TMPRSS11F: variants seen among roughly 807,000 people sequenced by gnomAD.
The protein encoded by TMPRSS11F is transmembrane serine protease 11F.
A neutral mutation model predicts 60.2 loss-of-function variants in TMPRSS11F; 47 were observed. That is an observed-to-expected ratio of 0.78 (90% CI 0.62 to 1.00). TMPRSS11F has a LOEUF of 1.00. TMPRSS11F is among the 50% of genes least tolerant of loss of function. The pLI is 0.00. For missense variants in TMPRSS11F, 519 were observed against 522.9 expected (o/e 0.99, Z 0.07); for synonymous variants, 166 against 167.3 (o/e 0.99, Z 0.06).
At chr4:68,128,392 C>G (rs568232893) in intron 1 of TMPRSS11F, among the ~76,000 whole-genome samples, 1 of 151,988 alleles carries the variant, frequency 6.6e-6, no homozygotes, top group Admixed American at 6.6e-5. Context: ...GTGCTATGTA[C>G]CCCATAAATA....
intron 2 of TMPRSS11F, among the ~76,000 whole-genome samples, chr4:68,091,603 C>A (rs959033219): frequency 1.3e-5 from 2 of 152,046 alleles, no homozygotes; most frequent in Non-Finnish European, 2.9e-5. Flanking sequence ...TTTACTTAAA[C>A]CTGCTCCACT....
intron 8 of TMPRSS11F, chr4:68,062,562 C>T: frequency 1.2e-6 from 1 of 811,298 alleles, no homozygotes; most frequent in Non-Finnish European, 2.2e-6. Context: ...TCTAGCAACG[C>T]CTGCCATCTA....
At chr4:68,118,004 A>T (rs1017524582) in intron 1 of TMPRSS11F, among the ~76,000 whole-genome samples, 1 of 152,168 alleles carries the variant, frequency 6.6e-6, no homozygotes, top group Non-Finnish European at 1.5e-5. Context: ...TTGTGTCCCA[A>T]TGTGACACCT....
intron 1 of TMPRSS11F, among the ~76,000 whole-genome samples, chr4:68,101,059 A>G (rs1724181531): frequency 6.6e-6 from 1 of 152,192 alleles, no homozygotes; most frequent in Admixed American, 6.5e-5. Context: ...AATAACAAGA[A>G]TCAAGTTTAA....
rs1722979143 is a variant in TMPRSS11F, at chr4:68,053,235, C to A, written c.*674G>T. 1 of 152,208 alleles carries A rather than the reference C, an allele frequency of 6.6e-6. No homozygotes were observed. Among genetic ancestry groups the A allele is most frequent in the Non-Finnish European group, 1.5e-5 (1 of 67,974 alleles). The allele number at this position is 152,208 out of a possible 1,614,324, so 9.4% of individuals were successfully genotyped here. On this transcript the variant is annotated 3_prime_UTR_variant, in exon 10 of 10. Coordinates refer to ENST00000356291, the MANE Select transcript of TMPRSS11F (RefSeq NM_207407.2). ...CCAACTGCTACTAACATATAGATGG[C>A]AAGATGCTGTTAAAGAATAAATCAG...
intron 1 of TMPRSS11F, among the ~76,000 whole-genome samples, chr4:68,117,330 G>A (rs1724544668): frequency 6.6e-6 from 1 of 151,828 alleles, no homozygotes; most frequent in Non-Finnish European, 1.5e-5. Flanking sequence ...AGCTGGGTGA[G>A]GTGGCAGGTG....
chr4:68,113,893 C>T (rs1239138316), intron 1 of TMPRSS11F, among the ~76,000 whole-genome samples: 1 of 151,962 alleles, frequency 6.6e-6, no homozygotes, highest in Non-Finnish European at 1.5e-5. Context: ...ATAAACACAC[C>T]TCAACAAATT....
intron 8 of TMPRSS11F, chr4:68,062,356 T>A: frequency 2.1e-6 from 1 of 485,286 alleles, no homozygotes; most frequent in East Asian, 5.7e-5. Context: ...ACAAGCTCTA[T>A]CAGATACACA....
chr4:68,111,815 G>A (rs944376399), intron 1 of TMPRSS11F, among the ~76,000 whole-genome samples: 1 of 152,092 alleles, frequency 6.6e-6, no homozygotes, highest in Admixed American at 6.5e-5. Context: ...TTTAGGCAAG[G>A]TAAATTTGAC....
At position 68,063,007 on chromosome 4, in the gene TMPRSS11F, A is replaced by G. The variant is rs1316566103; in HGVS notation, c.1015+1678T>C. The G allele has an allele frequency of 7.3e-6, 5 of 684,904 alleles. No homozygotes were observed. In the African/African-American group the frequency reaches 8.8e-5, roughly 12 times the overall value. 42.4% of individuals were successfully genotyped at this position (684,904 alleles called of 1,614,324 possible). The stretch of plus-strand genomic sequence containing the variant: ...GACATGCGGATGTACTTTCACTACA[A>G]GACATTTCTGACACGCTCATTTGGG... On this transcript the variant is annotated intron_variant, in intron 8 of 9. Transcript: ENST00000356291.
intron 5 of TMPRSS11F, among the ~76,000 whole-genome samples, chr4:68,070,220 T>A (rs1056849926): frequency 6.6e-6 from 1 of 152,180 alleles, no homozygotes; most frequent in Non-Finnish European, 1.5e-5. Context: ...TAAAATTAAA[T>A]CAGAGAGCAT....
intron 2 of TMPRSS11F, among the ~76,000 whole-genome samples, chr4:68,092,456 C>A (rs2109866301): frequency 6.6e-6 from 1 of 152,144 alleles, no homozygotes; most frequent in Non-Finnish European, 1.5e-5. Context: ...ACATTTTGTT[C>A]ATTCAAAATG....
At chr4:68,106,317 C>A (rs550370068) in intron 1 of TMPRSS11F, among the ~76,000 whole-genome samples, 57 of 152,252 alleles carry the variant, frequency 3.7e-4, no homozygotes, top group African/African-American at 1.3e-3. Context: ...GAGTCAGAAA[C>A]ACTGGCAACG....
intron 1 of TMPRSS11F, among the ~76,000 whole-genome samples, chr4:68,115,047 G>GCTT (rs1341422041): frequency 5.5e-4 from 82 of 150,456 alleles, no homozygotes; most frequent in African/African-American, 1.9e-3. Context: ...CAACAAGCTA[G>GCTT]GGATAGAAGA....
At chr4:68,054,324 T>C (rs1233489586) in intron 9 of TMPRSS11F, among the ~76,000 whole-genome samples, 1 of 152,054 alleles carries the variant, frequency 6.6e-6, no homozygotes, top group Admixed American at 6.6e-5. Context: ...TTTTTTTTTC[T>C]AGTTTGAACA....
At chr4:68,067,516 T>C (rs1723355619) in intron 7 of TMPRSS11F, among the ~76,000 whole-genome samples, 1 of 145,868 alleles carries the variant, frequency 6.9e-6, no homozygotes, top group Non-Finnish European at 1.5e-5. Flanking sequence ...AGATCAGTTA[T>C]AAACTAAAAT....
chr4:68,090,768 T>A, intron 2 of TMPRSS11F, 127 bp from the exon 3 acceptor site: 1 of 1,424,982 alleles, frequency 7.0e-7, no homozygotes, highest in Non-Finnish European at 9.3e-7. Flanking sequence ...GTAAAAATTC[T>A]TGAAGACACT....
intron 7 of TMPRSS11F, among the ~76,000 whole-genome samples, chr4:68,066,414 A>T (rs1723329061): frequency 6.6e-6 from 1 of 152,210 alleles, no homozygotes; most frequent in South Asian, 2.1e-4. Context: ...ATGTTTTATG[A>T]ATACGAAAAT....
At chr4:68,117,947 A>G (rs1419876379) in intron 1 of TMPRSS11F, among the ~76,000 whole-genome samples, 1 of 152,184 alleles carries the variant, frequency 6.6e-6, no homozygotes, top group Non-Finnish European at 1.5e-5. Flanking sequence ...TTCTTCTAAA[A>G]TAAGTCAAAC....
Sources: gnomAD v4.1 joint callset for allele counts (sites outside exome capture counted in the v4.1 genomes callset) on GRCh38, gnomAD v4.1.1 for gene constraint, MANE v1.5 for transcripts, NCBI Gene and HGNC (gene_info 2026-07-23, HGNC 2026-07-21) for gene names.